Variants in TEX9 observed in about 807,000 individuals in gnomAD.
TEX9 encodes testis-expressed protein 9.
TEX9 carries 74 observed loss-of-function variants against 59.6 expected under a neutral mutation model. The ratio of observed to expected loss-of-function variants is 1.24; its 90% CI spans 1.03 to 1.51. The LOEUF (loss-of-function observed/expected upper bound fraction) is 1.51, where lower values mean the gene tolerates loss of function less well. TEX9 is among the 40% of genes most tolerant of loss of function. The pLI, the probability that TEX9 is intolerant of heterozygous loss-of-function variation, is 0.00. For synonymous variants in TEX9, 186 were observed against 152.2 expected (o/e 1.22, Z -1.64); for missense variants, 522 against 447.8 (o/e 1.17, Z -1.49).
chr15:56,363,349 C>G (rs1358321981), upstream of TEX9, among the ~76,000 whole-genome samples: 3 of 150,870 alleles, frequency 2.0e-5, no homozygotes, highest in Admixed American at 2.0e-4. Flanking sequence ...ACTGCAACTT[C>G]TATCTCCCAG....
intron 1 of TEX9, among the ~76,000 whole-genome samples, chr15:56,268,484 T>C (rs2044445003): frequency 6.6e-6 from 1 of 152,202 alleles, no homozygotes; most frequent in Non-Finnish European, 1.5e-5. Context: ...CTCTTATTAT[T>C]TTGAGATACG....
intron 3 of TEX9, among the ~76,000 whole-genome samples, chr15:56,380,399 A>G (rs1365417647): frequency 6.6e-6 from 1 of 152,072 alleles, no homozygotes. Flanking sequence ...TGTTGTAGTT[A>G]TTATTTTTAA....
At chr15:56,459,500 G>C in the TEX9 span, among the ~76,000 whole-genome samples, 3 of 152,128 alleles carry the variant, frequency 2.0e-5, no homozygotes, top group African/African-American at 7.2e-5. Flanking sequence ...ACCACACCTA[G>C]ATTTCTGACT....
chr15:56,429,969 T>G (rs2050529148), intron 12 of TEX9: 1 of 152,208 alleles, frequency 6.6e-6, no homozygotes. Context: ...ACATATGGAT[T>G]TTATCATTAA....
chr15:56,306,257 C>CAAAAAAAAAAAAAAAAAAAAA (rs55882329), intron 1 of TEX9, among the ~76,000 whole-genome samples: 3 of 79,450 alleles, frequency 3.8e-5, no homozygotes, highest in Admixed American at 1.8e-4. Context: ...AGGTACATAG[C>CAAAAAAAAAAAAAAAAAAAAA]AAAAAAAAAA....
chr15:56,348,077 T>C (rs778575915), intron 1 of TEX9, among the ~76,000 whole-genome samples: 55 of 152,162 alleles, frequency 3.6e-4, no homozygotes, highest in Admixed American at 1.3e-4. Context: ...TCGATGTCAG[T>C]ATCCTAATTG....
At chr15:56,431,222 G>A in intron 12 of TEX9, 1 of 748,696 alleles carries the variant, frequency 1.3e-6, no homozygotes, top group Non-Finnish European at 2.1e-6. Flanking sequence ...AATGGGCCCA[G>A]AGAGGTTCAG....
At chr15:56,443,571 A>G (rs1376383512) in intron 12 of TEX9, 2 of 1,580,072 alleles carry the variant, frequency 1.3e-6, no homozygotes, top group Non-Finnish European at 1.7e-6. Flanking sequence ...AAATATTTAT[A>G]GGATCCAAAT....
intron 2 of TEX9, 31 bp from the exon 3 acceptor site, chr15:56,373,410 T>G: frequency 6.3e-7 from 1 of 1,582,312 alleles, no homozygotes; most frequent in Non-Finnish European, 8.6e-7. Context: ...GTTAAGATCT[T>G]CAGTATATCC....
rs60405436 is a variant in TEX9 at position 56,444,724 on chromosome 15, C to T, written c.*30-947C>T. 2.0e-4 allele frequency: 280 copies of T among 1,402,214 alleles called. 2 individuals carry two copies. The African/African-American group carries it at 3.5e-3, about 17-fold the overall frequency. 86.9% of individuals were successfully genotyped at this position (1,402,214 alleles called of 1,614,324 possible). Reference sequence around the variant, plus strand: ...TCCGTTTTCAAATTTGAACATAGTACGATAGTATATTTTACACCAATGTTA... The same window carrying T: ...TCCGTTTTCAAATTTGAACATAGTATGATAGTATATTTTACACCAATGTTA... On this transcript the variant is annotated intron_variant, in intron 12 of 12. Coordinates refer to ENST00000352903, the Ensembl canonical transcript of TEX9.
intron 10 of TEX9, among the ~76,000 whole-genome samples, chr15:56,414,574 C>T (rs141468223): frequency 2.6e-5 from 4 of 151,898 alleles, no homozygotes; most frequent in African/African-American, 4.8e-5. Flanking sequence ...AACATGATCT[C>T]GTTCTTTTTT....
At chr15:56,292,955 A>G (rs530542276) in intron 1 of TEX9, among the ~76,000 whole-genome samples, 81 of 152,242 alleles carry the variant, frequency 5.3e-4, no homozygotes, top group African/African-American at 1.5e-3. Flanking sequence ...ATATCCTGTT[A>G]GCTTTCTTCT....
In TEX9 at chr15:56,373,472, G is replaced by A. The variant is rs1412987406; in HGVS notation, c.151G>A (p.Ala51Thr). ...AAATGCAGAATTGCAGGCAAAAACA[G>A]CTGACGTGGTTCAACAAGCTAAGGA... The change falls in exon 3 of 13, where the codon GCT (alanine) becomes ACT (threonine). Residue 51 changes from alanine to threonine, a missense_variant. Ala to Thr is a moderately conservative substitution (Grantham distance 58, BLOSUM62 0). Transcript: ENST00000352903. The A allele has an allele frequency of 1.9e-6, 3 of 1,584,452 alleles. No homozygotes were observed. In the Admixed American group the frequency reaches 5.7e-5, roughly 30 times the overall value.
intron 1 of TEX9, among the ~76,000 whole-genome samples, chr15:56,312,649 A>G (rs1299807627): frequency 1.4e-5 from 2 of 140,128 alleles, no homozygotes; most frequent in African/African-American, 5.5e-5. Context: ...GTTCCATATG[A>G]ACTTTAAAGT....
At chr15:56,286,298 G>T (rs2044951800) in intron 1 of TEX9, among the ~76,000 whole-genome samples, 1 of 152,108 alleles carries the variant, frequency 6.6e-6, no homozygotes, top group Non-Finnish European at 1.5e-5. Flanking sequence ...TGTTTCAAAA[G>T]AAACATGAAA....
intron 1 of TEX9, among the ~76,000 whole-genome samples, chr15:56,274,096 G>T (rs1286809058): frequency 6.6e-6 from 1 of 152,022 alleles, no homozygotes; most frequent in Non-Finnish European, 1.5e-5. Flanking sequence ...CCAACCCTAT[G>T]TAGGATTACC....
At chr15:56,459,120 C>T in the TEX9 span, among the ~76,000 whole-genome samples, 1 of 152,178 alleles carries the variant, frequency 6.6e-6, no homozygotes, top group African/African-American at 2.4e-5. Context: ...TTCCTCTCAC[C>T]TTTTCCCCCA....
chr15:56,437,656 G>T (rs1160789034), intron 12 of TEX9, among the ~76,000 whole-genome samples: 16 of 152,232 alleles, frequency 1.1e-4, no homozygotes, highest in African/African-American at 3.6e-4. Context: ...TATTCAATTA[G>T]GAAAAGAGGA....
intron 9 of TEX9, among the ~76,000 whole-genome samples, chr15:56,405,310 GAAA>G (rs1221876149): frequency 1.4e-4 from 13 of 95,964 alleles, no homozygotes; most frequent in Non-Finnish European, 2.6e-4. Flanking sequence ...CCGTCTCAAA[GAAA>G]AAAAAAAAAA....
Sources: allele counts gnomAD v4.1 joint callset (sites outside exome capture counted in the v4.1 genomes callset), GRCh38; gene constraint gnomAD v4.1.1; transcripts MANE v1.5; gene names NCBI Gene and HGNC (gene_info 2026-07-23, HGNC 2026-07-21).